USP35: variants seen among roughly 807,000 people sequenced by gnomAD.
USP35 encodes ubiquitin carboxyl-terminal hydrolase 35.
In USP35, 69 loss-of-function variants were observed where a neutral mutation model predicts 83.8. The ratio of observed to expected loss-of-function variants is 0.82; its 90% confidence interval spans 0.68 to 1.01. USP35 has a LOEUF of 1.01. USP35 is among the 50% of genes least tolerant of loss of function. The pLI is 0.00. For synonymous variants in USP35, 714 were observed against 589.5 expected, an observed-to-expected ratio of 1.21 and a Z score of -3.06; for missense variants, 1,503 against 1,362.5, an observed-to-expected ratio of 1.10 and a Z score of -1.62.
In USP35 at chr11:78,214,651, C is replaced by A. The variant is rs561017213; in HGVS notation, c.*838C>A. On this transcript the variant is annotated 3_prime_UTR_variant, in exon 11 of 11. Transcript: ENST00000529308. ...CACTGCTGTAGCCCCCTTCTAACTT[C>A]TAACCGAAGACAAGACAGACACCCA... 1.3e-5 allele frequency: 2 copies of A among 151,590 alleles called. No homozygotes were observed. Among genetic ancestry groups the A allele is most frequent in the South Asian group, 2.1e-4 (1 of 4,820 alleles). 9.4% of individuals were successfully genotyped at this position (151,590 alleles called of 1,614,324 possible).
In USP35 at chr11:78,194,702, A is replaced by G. The variant is rs551079221; in HGVS notation, c.-10-1534A>G. Reference sequence around the variant, plus strand: ...GGAGGAGAAGGGCAGAAGGAAGGCTATTATGGCTCAGAGGAGTAAGGTAGA... The same window carrying G: ...GGAGGAGAAGGGCAGAAGGAAGGCTGTTATGGCTCAGAGGAGTAAGGTAGA... On this transcript the variant is annotated intron_variant, in intron 1 of 10. Transcript: ENST00000529308. Among the ~76,000 whole-genome samples, 3 of 152,284 alleles carry G rather than the reference A, an allele frequency of 2.0e-5. No homozygotes were observed. In the South Asian group the frequency reaches 6.2e-4, roughly 32 times the overall value.
chr11:78,193,871 C>T (rs1287236435), intron 1 of USP35, among the ~76,000 whole-genome samples: 1 of 152,250 alleles, frequency 6.6e-6, no homozygotes, highest in Non-Finnish European at 1.5e-5. Flanking sequence ...CACTCTATCA[C>T]TTAGGCTGGA....
the USP35 span, among the ~76,000 whole-genome samples, chr11:78,229,415 A>G: frequency 6.6e-6 from 1 of 152,182 alleles, no homozygotes; most frequent in Non-Finnish European, 1.5e-5. Context: ...AAGGATTTCA[A>G]GGTGGGGATG....
At chr11:78,230,396 C>T in the USP35 span, among the ~76,000 whole-genome samples, 1 of 152,368 alleles carries the variant, frequency 6.6e-6, no homozygotes, top group Admixed American at 6.5e-5. Flanking sequence ...TTCCTTGATA[C>T]ATCAACACCT....
downstream of USP35, chr11:78,220,176 A>C: frequency 2.5e-6 from 2 of 785,350 alleles, no homozygotes; most frequent in Non-Finnish European, 4.2e-6. Context: ...CTCTATGACT[A>C]AAGATGCATC....
At position 78,209,678 on chromosome 11, in the gene USP35, G is replaced by A. The variant is rs750186073; in HGVS notation, c.1823G>A (p.Arg608His). ...TTCCCTCCTCCTGAGCGCTGTCGCCGCCGCCGCCTGGGCTCTGTGATGCGC... is the reference window on the plus strand; with the variant it reads ...TTCCCTCCTCCTGAGCGCTGTCGCCACCGCCGCCTGGGCTCTGTGATGCGC... ...LAFPPPERCRRRRLGSVMRPT... is the reference protein window; with the variant it reads ...LAFPPPERCRHRRLGSVMRPT... The change falls in exon 10 of 11, where the codon CGC becomes CAC. Residue 608 changes from arginine (R) to histidine (H), a missense_variant. By Grantham distance (29) the Arg-to-His change is conservative. Coordinates refer to ENST00000529308, the MANE Select transcript of USP35 (RefSeq NM_020798.4). 21 of 1,613,744 alleles carry A rather than the reference G, an allele frequency of 1.3e-5. No individual in the cohort carries two copies. The Admixed American group carries it at 1.8e-4, about 14-fold the overall frequency.
At chr11:78,210,838 T>G (rs1863744292) in intron 10 of USP35, 94 bp downstream of exon 10, 2 of 1,317,916 alleles carry the variant, frequency 1.5e-6, no homozygotes, top group Admixed American at 2.8e-5. Flanking sequence ...CTCTAAGTCT[T>G]TTTTGTAAAT....
chr11:78,225,278 T>C, the USP35 span: 2 of 942,694 alleles, frequency 2.1e-6, no homozygotes, highest in South Asian at 2.7e-5. Context: ...CTCACCAGTG[T>C]GGTTCAAGGT....
chr11:78,209,647 C>T lies in USP35; in HGVS notation c.1792C>T (p.Leu598Phe), dbSNP rs768195133. 3 of 1,614,124 alleles carry T rather than the reference C, an allele frequency of 1.9e-6. No individual in the cohort carries two copies. Among genetic ancestry groups the T allele is most frequent in the Non-Finnish European group, 2.5e-6 (3 of 1,179,996 alleles). Residue 598 changes from leucine (L) to phenylalanine (F), a missense_variant, in exon 10 of 11, where the codon CTC (leucine) becomes TTC (phenylalanine). Leu to Phe is a conservative substitution (Grantham distance 22, BLOSUM62 0). Transcript: ENST00000529308. ...SREEAFTDLS[L>F]AFPPPERCRR... ...GGAGGAGGCCTTCACGGACCTCTCTCTCGCCTTCCCTCCTCCTGAGCGCTG... is the reference window on the plus strand; with the variant it reads ...GGAGGAGGCCTTCACGGACCTCTCTTTCGCCTTCCCTCCTCCTGAGCGCTG...
chr11:78,217,581 T>G (rs1864212428), downstream of USP35: 1 of 152,208 alleles, frequency 6.6e-6, no homozygotes, highest in Admixed American at 6.5e-5. Context: ...CAGGGTAGAA[T>G]GAAACGTCTG....
intron 7 of USP35, among the ~76,000 whole-genome samples, chr11:78,206,670 T>C (rs994989181): frequency 6.6e-6 from 1 of 152,252 alleles, no homozygotes; most frequent in Non-Finnish European, 1.5e-5. Context: ...CTGCAGAATA[T>C]TACTTTTGTA....
intron 3 of USP35, chr11:78,198,540 T>G (rs1044957018): frequency 1.0e-5 from 9 of 883,080 alleles, no homozygotes; most frequent in Non-Finnish European, 1.2e-5. Context: ...CGCACCTGCC[T>G]GTCCAGTTGT....
chr11:78,219,033 G>C (rs1864284780), downstream of USP35: 1 of 508,400 alleles, frequency 2.0e-6, no homozygotes, highest in Non-Finnish European at 3.5e-6. Context: ...GGTGGGTGGA[G>C]GCATGGCCAT....
chr11:78,226,496 G>A, the USP35 span: 7 of 1,613,862 alleles, frequency 4.3e-6, no homozygotes, highest in African/African-American at 8.0e-5. Context: ...CCATTGCAGG[G>A]AGGGTGTTGC....
rs1670632316 is a variant in USP35, at chr11:78,214,657, G to GAAGAGAAGAC, written c.*848_*849insGAAGACAAGA. On this transcript the variant is annotated 3_prime_UTR_variant, in exon 11 of 11. Transcript: ENST00000529308. ...TGTAGCCCCCTTCTAACTTCTAACC[G>GAAGAGAAGAC]AAGACAAGACAGACACCCATGTTCA... The GAAGAGAAGAC allele has an allele frequency of 6.8e-6, 1 of 147,028 alleles. No homozygotes were observed. The highest frequency in any genetic ancestry group is 2.5e-5 in the African/African-American group (1 of 39,864). 9.1% of individuals were successfully genotyped at this position (147,028 alleles called of 1,614,324 possible).
At chr11:78,226,989 T>TGTA in the USP35 span, 1 of 1,613,826 alleles carries the variant, frequency 6.2e-7, no homozygotes, top group Non-Finnish European at 8.5e-7. Context: ...GGCAAGTTTT[T>TGTA]GTACAGCTGT....
At chr11:78,200,602 T>A (rs1280366078) in intron 5 of USP35, 48 bp from the exon 6 acceptor site, 1 of 1,558,918 alleles carries the variant, frequency 6.4e-7, no homozygotes, top group African/African-American at 1.4e-5. Context: ...GCCCCGTGTC[T>A]CAGGTGGGCG....
At position 78,196,389 on chromosome 11, in the gene USP35, C is replaced by A; in HGVS notation, c.144C>A (p.Leu48=). 3.5e-6 allele frequency: 5 copies of A among 1,444,504 alleles called. No homozygotes were observed. Among genetic ancestry groups the A allele is most frequent in the Non-Finnish European group, 4.5e-6 (5 of 1,111,566 alleles). 89.5% of individuals were successfully genotyped at this position (1,444,504 alleles called of 1,614,324 possible). The change falls in exon 2 of 11, where the codon CTC becomes CTA. Residue 48 remains leucine (L), a synonymous_variant. Coordinates refer to ENST00000529308, the MANE Select transcript of USP35 (RefSeq NM_020798.4). The surrounding 1 kb of genome is among the most constrained non-coding windows in gnomAD (Gnocchi z 4.8). ...CLALLALGAR[L]YVGGAEELPR... is the part of the protein sequence containing the mutation. ...CGCTGCTGGCGCTGGGCGCGCGCCT[C>A]TACGTGGGCGGCGCGGAGGAGCTGC...
Position 78,210,402 on chromosome 11 carries a change from T to C in USP35, c.2547T>C (p.Ser849=), listed in dbSNP as rs750132781. 3.1e-6 allele frequency: 5 copies of C among 1,613,880 alleles called. No individual in the cohort carries two copies. The African/African-American group carries it at 5.3e-5, about 17-fold the overall frequency. The change falls in exon 10 of 11, where the codon AGT becomes AGC. Residue 849 remains serine, a synonymous_variant. Transcript: ENST00000529308. The part of the protein sequence containing the change: ...GGRGQAYDLC[S]VVVHSGVSSE... Reference sequence around the variant, plus strand: ...GTGGCCAGGCCTATGACCTCTGCAGTGTGGTGGTGCACTCTGGAGTGTCTT... The same window carrying C: ...GTGGCCAGGCCTATGACCTCTGCAGCGTGGTGGTGCACTCTGGAGTGTCTT...
Sources: allele counts gnomAD v4.1 joint callset (sites outside exome capture counted in the v4.1 genomes callset), GRCh38; gene constraint gnomAD v4.1.1; non-coding constraint Gnocchi (gnomAD v3.1); transcripts MANE v1.5; gene names NCBI Gene and HGNC (gene_info 2026-07-23, HGNC 2026-07-21).